SLC14A2: variants seen among roughly 807,000 people sequenced by gnomAD.
SLC14A2 encodes urea transporter 2.
Under a neutral mutation model 104.6 loss-of-function variants are expected in SLC14A2, and 91 were observed. That is an observed-to-expected ratio of 0.87 (90% CI 0.73 to 1.04). The LOEUF is 1.04. Among genes scored for constraint, SLC14A2 ranks in the 50% least tolerant of loss-of-function variants. The pLI, the probability that SLC14A2 is intolerant of heterozygous loss-of-function variation, is 0.00. For synonymous variants in SLC14A2, 476 were observed against 466.4 expected (o/e 1.02, Z -0.27); for missense variants, 1,189 against 1,156.0 (o/e 1.03, Z -0.41).
chr18:45,392,239 G>A (rs2085977969), intron 1 of SLC14A2, among the ~76,000 whole-genome samples: 1 of 152,150 alleles, frequency 6.6e-6, no homozygotes, highest in African/African-American at 2.4e-5. Context: ...AGCTGCTGAG[G>A]TCTCCCCAAC....
chr18:45,656,833 A>G (rs1224665243), intron 10 of SLC14A2, among the ~76,000 whole-genome samples: 1 of 152,248 alleles, frequency 6.6e-6, no homozygotes, highest in African/African-American at 2.4e-5. Context: ...TTTGGCCAAC[A>G]AGTGAGCTGC....
chr18:45,617,078 A>G (rs1005697266), intron 1 of SLC14A2, among the ~76,000 whole-genome samples: 3 of 152,186 alleles, frequency 2.0e-5, no homozygotes, highest in African/African-American at 7.2e-5. Flanking sequence ...AGCCTGGGCA[A>G]CAGTGGAGAC....
At chr18:45,563,317 A>G (rs1490193356) in intron 2 of SLC14A2, among the ~76,000 whole-genome samples, 2 of 152,194 alleles carry the variant, frequency 1.3e-5, no homozygotes, top group Admixed American at 1.3e-4. Flanking sequence ...TGTGACCGGG[A>G]GCTCTCTGTA....
intron 10 of SLC14A2, among the ~76,000 whole-genome samples, chr18:45,656,431 T>C (rs2045838450): frequency 1.3e-5 from 2 of 152,192 alleles, no homozygotes; most frequent in South Asian, 4.1e-4. Flanking sequence ...CAGAGGAATT[T>C]GAGCACAATA....
At chr18:45,613,987 C>T (rs935198838), upstream of SLC14A2, among the ~76,000 whole-genome samples, 24 of 152,254 alleles carry the variant, frequency 1.6e-4, no homozygotes, top group African/African-American at 5.8e-4. Context: ...GGGAAGATTA[C>T]TCCAGGGCAT....
At chr18:45,254,658 G>C (rs1439756184) in intron 1 of SLC14A2, among the ~76,000 whole-genome samples, 3 of 152,112 alleles carry the variant, frequency 2.0e-5, no homozygotes, top group Admixed American at 6.5e-5. Flanking sequence ...TGTTTGAGGA[G>C]AGAAATCCTC....
chr18:45,239,210 C>A (rs560818498), intron 1 of SLC14A2, among the ~76,000 whole-genome samples: 20 of 152,122 alleles, frequency 1.3e-4, no homozygotes, highest in Non-Finnish European at 2.8e-4. Context: ...AGTCCCAAAT[C>A]CCCCCAAGTA....
At chr18:45,479,168 G>A (rs1005933167) in intron 1 of SLC14A2, among the ~76,000 whole-genome samples, 1 of 152,176 alleles carries the variant, frequency 6.6e-6, no homozygotes, top group Non-Finnish European at 1.5e-5. Flanking sequence ...AAATTCAAAA[G>A]GAAGTGGGCA....
chr18:45,490,304 G>C (rs921238287), intron 2 of SLC14A2, among the ~76,000 whole-genome samples: 6 of 152,174 alleles, frequency 3.9e-5, no homozygotes, highest in Non-Finnish European at 2.9e-5. Context: ...AGAGACCCAG[G>C]CATTTTGGAA....
At chr18:45,637,522 G>C (rs1366892668) in intron 6 of SLC14A2, among the ~76,000 whole-genome samples, 3 of 152,120 alleles carry the variant, frequency 2.0e-5, no homozygotes, top group Non-Finnish European at 4.4e-5. Flanking sequence ...TTGAGTGAAA[G>C]ATATTAGATA....
rs561650097 is a variant in SLC14A2 at position 45,369,955 on chromosome 18, G to A, written c.-124-113278G>A. Among the ~76,000 whole-genome samples the A allele has an allele frequency of 7.0e-4, 106 of 152,254 alleles. 2 individuals are homozygous for A. In the South Asian group the frequency reaches 0.015, roughly 22 times the overall value. On this transcript the variant is annotated intron_variant, in intron 1 of 20. Transcript: ENST00000586448. ...ATTGGTAGATATTTTTCCCTCCAAA[G>A]GCATCCCTAGACCAAACTGGATCCT...
At chr18:45,467,431 C>T (rs2087165134) in intron 1 of SLC14A2, among the ~76,000 whole-genome samples, 1 of 152,130 alleles carries the variant, frequency 6.6e-6, no homozygotes, top group South Asian at 2.1e-4. Flanking sequence ...GTTTAATAGC[C>T]AGAGAGGAAA....
chr18:45,424,645 T>G (rs1262800928), intron 1 of SLC14A2, among the ~76,000 whole-genome samples: 1 of 152,266 alleles, frequency 6.6e-6, no homozygotes, highest in Non-Finnish European at 1.5e-5. Flanking sequence ...CTCCATTGAC[T>G]TTCAAACATG....
At chr18:45,229,588 A>G (rs1186970258) in intron 1 of SLC14A2, among the ~76,000 whole-genome samples, 1 of 151,968 alleles carries the variant, frequency 6.6e-6, no homozygotes, top group Non-Finnish European at 1.5e-5. Context: ...GCACAGCCAT[A>G]CCTACACGAT....
At chr18:45,496,271 T>A (rs1052863485) in intron 2 of SLC14A2, among the ~76,000 whole-genome samples, 2 of 152,204 alleles carry the variant, frequency 1.3e-5, no homozygotes, top group Non-Finnish European at 2.9e-5. Flanking sequence ...CCAAGTGTGA[T>A]GGTTAATATT....
chr18:45,666,693 T>C (rs2046030420), intron 12 of SLC14A2, among the ~76,000 whole-genome samples: 1 of 151,734 alleles, frequency 6.6e-6, no homozygotes, highest in East Asian at 1.9e-4. Context: ...CTTGCCAGAG[T>C]CCTCCTCCAC....
At chr18:45,252,103 C>A (rs1048652890) in intron 1 of SLC14A2, among the ~76,000 whole-genome samples, 24 of 152,192 alleles carry the variant, frequency 1.6e-4, no homozygotes, top group African/African-American at 5.8e-4. Flanking sequence ...TTGTGACCAG[C>A]AATGAGAATC....
intron 15 of SLC14A2, among the ~76,000 whole-genome samples, chr18:45,668,838 C>T (rs2046078421): frequency 6.6e-6 from 1 of 152,130 alleles, no homozygotes; most frequent in Non-Finnish European, 1.5e-5. Context: ...TTTTCTAAAT[C>T]CTTGGGACCC....
Position 45,332,191 on chromosome 18 carries a change from T to C in SLC14A2, c.-125+119000T>C, listed in dbSNP as rs928157745. On this transcript the variant is annotated intron_variant, in intron 1 of 20. Coordinates refer to the SLC14A2 transcript ENST00000586448. ...TTTCTCCTTGGCAATCAGTTCTGGT[T>C]TCAAATACAGTTGGCCCTCTGTATC... Among the ~76,000 whole-genome samples, 10 of 152,324 alleles carry C rather than the reference T, an allele frequency of 6.6e-5. No homozygotes were observed. In the South Asian group the frequency reaches 2.1e-3, roughly 32 times the overall value.
Sources: gnomAD v4.1 joint callset for allele counts (sites outside exome capture counted in the v4.1 genomes callset) on GRCh38, gnomAD v4.1.1 for gene constraint, MANE v1.5 for transcripts, NCBI Gene and HGNC (gene_info 2026-07-23, HGNC 2026-07-21) for gene names.